The following DYRK1A variants were observed in gnomAD, a reference collection of about 807,000 sequenced individuals.
DYRK1A encodes the protein dual specificity tyrosine phosphorylation regulated kinase 1A, also known as dual specificity tyrosine-phosphorylation-regulated kinase 1A.
Under a neutral mutation model 79.7 loss-of-function variants are expected in DYRK1A, and 9 were observed. The observed-to-expected ratio is 0.11, with a 90% CI of 0.07 to 0.20. The LOEUF (loss-of-function observed/expected upper bound fraction) is 0.20. Among genes scored for constraint, DYRK1A ranks in the 10% least tolerant of loss-of-function variants. The pLI, the probability that DYRK1A is intolerant of heterozygous loss-of-function variation, is 1.00. For synonymous variants in DYRK1A, 349 were observed against 329.7 expected (o/e 1.06, Z -0.63); for missense variants, 622 against 956.0 (o/e 0.65, Z 4.61).
rs533777816 is a variant in DYRK1A, at chr21:37,387,296, A to G, written c.-77+19668A>G. On this transcript the variant is annotated intron_variant, in intron 1 of 11. Coordinates refer to ENST00000647188, the MANE Select transcript of DYRK1A (RefSeq NM_001347721.2). Reference sequence around the variant, plus strand: ...TTCCAGCTCCTGATTATAGTTATATAATCTTTTTTGGTAAAATCAATATTC... The same window carrying G: ...TTCCAGCTCCTGATTATAGTTATATGATCTTTTTTGGTAAAATCAATATTC... Among the ~76,000 whole-genome samples, 3 of 152,322 alleles carry G rather than the reference A, an allele frequency of 2.0e-5. No individual in the cohort carries two copies. The South Asian group carries it at 6.2e-4, about 32-fold the overall frequency.
At chr21:37,446,876 A>G (rs1256200490) in intron 2 of DYRK1A, among the ~76,000 whole-genome samples, 3 of 152,198 alleles carry the variant, frequency 2.0e-5, no homozygotes, top group South Asian at 2.1e-4. Context: ...GTCAGGCCAG[A>G]GGAGGAGTTC....
intron 5 of DYRK1A, among the ~76,000 whole-genome samples, chr21:37,483,622 A>G (rs1263486763): frequency 6.6e-6 from 1 of 151,996 alleles, no homozygotes; most frequent in Non-Finnish European, 1.5e-5. Flanking sequence ...TCACTGTATC[A>G]GCCTGGCAGG....
chr21:37,477,166 A>G (rs891905561), intron 3 of DYRK1A, among the ~76,000 whole-genome samples: 1 of 152,054 alleles, frequency 6.6e-6, no homozygotes, highest in South Asian at 2.1e-4. Flanking sequence ...TCTTAGTATG[A>G]TGTGTTTACT....
At chr21:37,510,440 C>T (rs1417015081) in intron 11 of DYRK1A, among the ~76,000 whole-genome samples, 1 of 152,168 alleles carries the variant, frequency 6.6e-6, no homozygotes, top group East Asian at 1.9e-4. Flanking sequence ...CTTTTGCCTT[C>T]CTAGAGCTTA....
intron 1 of DYRK1A, among the ~76,000 whole-genome samples, chr21:37,398,342 T>C (rs963282231): frequency 6.7e-6 from 1 of 149,658 alleles, no homozygotes; most frequent in Non-Finnish European, 1.5e-5. Flanking sequence ...ATCCTGTCTC[T>C]TAAAAAAAAA....
At chr21:37,372,578 G>T (rs2049454961) in intron 1 of DYRK1A, among the ~76,000 whole-genome samples, 1 of 152,128 alleles carries the variant, frequency 6.6e-6, no homozygotes, top group African/African-American at 2.4e-5. Context: ...AGAGGCTCCA[G>T]AATCTGGCTG....
At chr21:37,366,560 A>C (rs1050224007), upstream of DYRK1A, among the ~76,000 whole-genome samples, 2 of 147,470 alleles carry the variant, frequency 1.4e-5, no homozygotes, top group Non-Finnish European at 3.0e-5. Context: ...CTCCTCTGAC[A>C]CTCGTAGCGG....
intron 1 of DYRK1A, 84 bp from the exon 2 acceptor site, chr21:37,420,215 A>G: frequency 2.2e-6 from 1 of 454,212 alleles, no homozygotes; most frequent in Non-Finnish European, 3.8e-6. Flanking sequence ...ATGTTTTGGG[A>G]TTGTAGTTAT....
intron 1 of DYRK1A, among the ~76,000 whole-genome samples, chr21:37,402,303 C>CT (rs536731325): frequency 6.6e-6 from 1 of 152,266 alleles, no homozygotes; most frequent in Admixed American, 6.5e-5. Context: ...ACTTCTCTCA[C>CT]TTTTTTTCCC....
intron 2 of DYRK1A, among the ~76,000 whole-genome samples, chr21:37,460,060 A>G (rs1454268584): frequency 6.6e-6 from 1 of 151,934 alleles, no homozygotes; most frequent in Non-Finnish European, 1.5e-5. Context: ...TGTATAAGCG[A>G]CCATTATTTC....
intron 2 of DYRK1A, among the ~76,000 whole-genome samples, chr21:37,433,944 A>G (rs555942361): frequency 2.6e-5 from 4 of 152,188 alleles, no homozygotes; most frequent in Admixed American, 2.6e-4. Flanking sequence ...GTTTCCTTCT[A>G]GTTTTAGAGT....
intron 1 of DYRK1A, among the ~76,000 whole-genome samples, chr21:37,378,908 G>A (rs994886423): frequency 2.0e-5 from 3 of 152,142 alleles, no homozygotes; most frequent in East Asian, 1.9e-4. Flanking sequence ...ACTGGGTCTC[G>A]ATCTTGAAGA....
intron 1 of DYRK1A, among the ~76,000 whole-genome samples, chr21:37,370,000 G>A (rs1479067093): frequency 6.6e-6 from 1 of 152,142 alleles, no homozygotes; most frequent in Non-Finnish European, 1.5e-5. Context: ...ACGACCATTT[G>A]TTAAATTTTT....
chr21:37,422,915 C>A (rs911632628), intron 2 of DYRK1A, among the ~76,000 whole-genome samples: 2 of 152,080 alleles, frequency 1.3e-5, no homozygotes, highest in African/African-American at 4.8e-5. Flanking sequence ...ATTTGAGAAT[C>A]TTTTTGCATG....
intron 5 of DYRK1A, among the ~76,000 whole-genome samples, chr21:37,482,919 A>G (rs1407569544): frequency 6.6e-6 from 1 of 152,182 alleles, no homozygotes; most frequent in Non-Finnish European, 1.5e-5. Context: ...AGTGGTCAGA[A>G]TTTAAGATTA....
At chr21:37,433,850 T>C (rs921646980) in intron 2 of DYRK1A, among the ~76,000 whole-genome samples, 1 of 152,256 alleles carries the variant, frequency 6.6e-6, no homozygotes, top group Non-Finnish European at 1.5e-5. Flanking sequence ...TTGCTTTTTA[T>C]CTGTGGGATC....
intron 2 of DYRK1A, among the ~76,000 whole-genome samples, chr21:37,445,209 C>A (rs2051228031): frequency 6.6e-6 from 1 of 152,086 alleles, no homozygotes; most frequent in Non-Finnish European, 1.5e-5. Flanking sequence ...AGAACACCAG[C>A]CCTGCTTGTC....
At position 37,513,843 on chromosome 21, in the gene DYRK1A, A is replaced by G. The variant is rs1052712099; in HGVS notation, c.*1312A>G. 1 of 152,652 alleles carries G rather than the reference A, an allele frequency of 6.6e-6. No homozygotes were observed. The highest frequency in any genetic ancestry group is 2.4e-5 in the African/African-American group (1 of 41,452). The allele number at this position is 152,652 out of a possible 1,614,324, so 9.5% of individuals were successfully genotyped here. ...TGTACCAAAGCTGTTTTTATAGCAC[A>G]TAGATGTCTGTAACCAATAATGTAG... is the stretch of plus-strand genomic sequence containing the variant. On this transcript the variant is annotated 3_prime_UTR_variant, in exon 12 of 12. Coordinates refer to ENST00000647188, the MANE Select transcript of DYRK1A (RefSeq NM_001347721.2).
chr21:37,390,748 T>G (rs2049854663), intron 1 of DYRK1A, among the ~76,000 whole-genome samples: 1 of 151,976 alleles, frequency 6.6e-6, no homozygotes, highest in Non-Finnish European at 1.5e-5. Context: ...TTTTGTATTT[T>G]TAGTAGAGAT....
Sources: gnomAD v4.1 joint callset for allele counts (sites outside exome capture counted in the v4.1 genomes callset) on GRCh38, gnomAD v4.1.1 for gene constraint, MANE v1.5 for transcripts, NCBI Gene and HGNC (gene_info 2026-07-23, HGNC 2026-07-21) for gene names.